PCDH11X: variants seen among roughly 807,000 people sequenced by gnomAD.
The protein encoded by PCDH11X is protocadherin-11 X-linked.
PCDH11X carries 18 observed loss-of-function variants against 53.3 expected under a neutral mutation model. That is an observed-to-expected ratio of 0.34 (90% CI 0.23 to 0.50). The LOEUF is 0.50. Among genes scored for constraint, PCDH11X ranks in the 20% least tolerant of loss-of-function variants. PCDH11X has a pLI of 0.98. For synonymous variants in PCDH11X, 279 were observed against 393.3 expected (o/e 0.71, Z 3.44); for missense variants, 570 against 1,032.4 (o/e 0.55, Z 6.14).
intron 5 of PCDH11X, 58 bp from the exon 6 acceptor site, chrX:91,876,723 A>T (rs1426544627): frequency 1.0e-6 from 1 of 953,424 alleles, no homozygotes; most frequent in Non-Finnish European, 1.3e-6. Flanking sequence ...TCATATTAAT[A>T]TTAATATATT....
intron 7 of PCDH11X, among the ~76,000 whole-genome samples, chrX:92,221,453 G>T (rs1177944992): frequency 2.7e-5 from 3 of 110,250 alleles, no homozygotes; most frequent in Non-Finnish European, 5.7e-5. Flanking sequence ...GCTAGATAAA[G>T]GCCAGAGACA....
chrX:91,815,280 AT>A (rs925624508), intron 4 of PCDH11X, among the ~76,000 whole-genome samples: 1 of 111,986 alleles, frequency 8.9e-6, no homozygotes, highest in Non-Finnish European at 1.9e-5. Flanking sequence ...GTATAAAAAC[AT>A]TTTTTAGTAT....
At chrX:92,119,129 A>G (rs1200117865) in intron 6 of PCDH11X, among the ~76,000 whole-genome samples, 8 of 107,949 alleles carry the variant, frequency 7.4e-5, no homozygotes, top group African/African-American at 2.7e-4. Context: ...TTTTTTTGAG[A>G]CAGGGTCTCT....
chrX:91,891,075 A>G (rs1940454906), intron 6 of PCDH11X, among the ~76,000 whole-genome samples: 1 of 108,257 alleles, frequency 9.2e-6, no homozygotes, highest in Non-Finnish European at 1.9e-5. Context: ...AAAATACAAG[A>G]GGATTCATAA....
chrX:92,305,879 T>A (rs2068818151), intron 8 of PCDH11X, among the ~76,000 whole-genome samples: 1 of 106,893 alleles, frequency 9.4e-6, no homozygotes. Context: ...ATAAACATCT[T>A]TTTTCTCTGA....
At chrX:92,288,952 C>T (rs1338417168) in intron 8 of PCDH11X, among the ~76,000 whole-genome samples, 15 of 110,144 alleles carry the variant, frequency 1.4e-4, no homozygotes, top group Non-Finnish European at 2.3e-4. Context: ...CAGTTGATCC[C>T]GCTATAATTT....
intron 8 of PCDH11X, among the ~76,000 whole-genome samples, chrX:92,346,135 A>T (rs1283593554): frequency 1.8e-5 from 2 of 110,940 alleles, no homozygotes; most frequent in East Asian, 5.6e-4. Flanking sequence ...TTGGCAATGA[A>T]TTCATCAACT....
intron 6 of PCDH11X, among the ~76,000 whole-genome samples, chrX:91,955,506 T>C (rs2061696246): frequency 9.1e-6 from 1 of 110,392 alleles, no homozygotes; most frequent in African/African-American, 3.3e-5. Flanking sequence ...TCTTGATTTC[T>C]ACCTTAATTT....
intron 6 of PCDH11X, chrX:92,113,985 AG>A: frequency 8.3e-7 from 1 of 1,208,351 alleles, no homozygotes; most frequent in Non-Finnish European, 1.1e-6. Flanking sequence ...ACACACAGCT[AG>A]GGGTACCCAC....
At chrX:92,608,030 C>A (rs1173443528) in intron 10 of PCDH11X, among the ~76,000 whole-genome samples, 1 of 110,732 alleles carries the variant, frequency 9.0e-6, no homozygotes, top group Non-Finnish European at 1.9e-5. Context: ...ATTAGTCTTA[C>A]TATAACTTAT....
chrX:91,809,183 C>T (rs1936217550), intron 1 of PCDH11X, among the ~76,000 whole-genome samples: 1 of 111,190 alleles, frequency 9.0e-6, no homozygotes, highest in African/African-American at 3.3e-5. Flanking sequence ...CTTCCTTATA[C>T]CCACATTCCA....
At chrX:91,843,873 A>C (rs182564252) in intron 5 of PCDH11X, among the ~76,000 whole-genome samples, 1 of 111,591 alleles carries the variant, frequency 9.0e-6, no homozygotes, top group East Asian at 2.8e-4. Flanking sequence ...TTTGATGACA[A>C]TGGTAATTCT....
At chrX:92,042,935 G>A (rs779835923) in intron 6 of PCDH11X, among the ~76,000 whole-genome samples, 3 of 109,848 alleles carry the variant, frequency 2.7e-5, no homozygotes, top group African/African-American at 6.6e-5. Flanking sequence ...CACCGCGCCC[G>A]GCCGTTGATC....
intron 8 of PCDH11X, among the ~76,000 whole-genome samples, chrX:92,333,458 A>C (rs1236239753): frequency 9.0e-6 from 1 of 111,547 alleles, no homozygotes; most frequent in Non-Finnish European, 1.9e-5. Context: ...TCAAGCGTTC[A>C]ATTTCCCAAA....
At chrX:92,373,310 G>A (rs1234339859) in intron 8 of PCDH11X, among the ~76,000 whole-genome samples, 1 of 111,250 alleles carries the variant, frequency 9.0e-6, no homozygotes, top group Non-Finnish European at 1.9e-5. Context: ...AGTTAATTGG[G>A]TAGAGTTGTG....
At chrX:92,603,128 A>G (rs1367582381) in intron 10 of PCDH11X, among the ~76,000 whole-genome samples, 3 of 106,155 alleles carry the variant, frequency 2.8e-5, no homozygotes, top group Admixed American at 1.0e-4. Context: ...AGTTATCAAT[A>G]TGTAAAATTG....
intron 8 of PCDH11X, among the ~76,000 whole-genome samples, chrX:92,356,851 A>G (rs1289170832): frequency 9.2e-6 from 1 of 108,508 alleles, no homozygotes; most frequent in Non-Finnish European, 1.9e-5. Context: ...TTTACACAGC[A>G]ATTGCTATTT....
chrX:92,134,046 G>C (rs1324395523), intron 6 of PCDH11X, among the ~76,000 whole-genome samples: 2 of 111,731 alleles, frequency 1.8e-5, no homozygotes, highest in Non-Finnish European at 3.8e-5. Context: ...AGGTAGATAA[G>C]AGACAAACAA....
intron 10 of PCDH11X, among the ~76,000 whole-genome samples, chrX:92,617,261 G>T (rs139822747): frequency 0.026 from 2,867 of 111,454 alleles, 139 homozygotes; most frequent in East Asian, 0.17. Flanking sequence ...GATCTAGTTG[G>T]TTGATTATAT....
Sources: allele counts gnomAD v4.1 joint callset (sites outside exome capture counted in the v4.1 genomes callset), GRCh38; gene constraint gnomAD v4.1.1; transcripts MANE v1.5; gene names NCBI Gene and HGNC (gene_info 2026-07-23, HGNC 2026-07-21).